Variants in PDZRN4 observed in about 807,000 individuals in gnomAD.
The protein encoded by PDZRN4 is PDZ domain containing ring finger 4.
PDZRN4 carries 70 observed loss-of-function variants against 99.0 expected under a neutral mutation model. The ratio of observed to expected loss-of-function variants is 0.71; its 90% CI spans 0.58 to 0.86. PDZRN4 has a LOEUF of 0.86. Ranked by LOEUF, PDZRN4 falls within the 40% of genes least tolerant of loss-of-function variation. PDZRN4 has a pLI of 0.00. For missense variants in PDZRN4, 1,474 were observed against 1,331.2 expected (o/e 1.11, Z -1.67); for synonymous variants, 551 against 501.6 (o/e 1.10, Z -1.32).
chr12:41,188,466 C>A lies in PDZRN4; in HGVS notation c.11C>A (p.Ala4Asp), dbSNP rs1209390121. The A allele has an allele frequency of 6.3e-7, 1 of 1,590,016 alleles. No homozygotes were observed. Among genetic ancestry groups the A allele is most frequent in the Non-Finnish European group, 8.5e-7 (1 of 1,175,914 alleles). Reference protein sequence around the residue: MGFALERFAEAVDP... With the variant: MGFDLERFAEAVDP... The stretch of plus-strand genomic sequence containing the variant: ...TTCCCCATCCCTAACATGGGCTTTG[C>A]CCTGGAGCGCTTCGCAGAAGCCGTG... Residue 4 changes from alanine to aspartate, a missense_variant, in exon 1 of 10, where the codon GCC becomes GAC. Transcript: ENST00000402685.
intron 3 of PDZRN4, among the ~76,000 whole-genome samples, chr12:41,452,607 G>A (rs1952784783): frequency 6.6e-6 from 1 of 151,986 alleles, no homozygotes; most frequent in Admixed American, 6.6e-5. Flanking sequence ...TTAGTTACTG[G>A]GTTACTTAGG....
intron 3 of PDZRN4, among the ~76,000 whole-genome samples, chr12:41,301,552 T>G (rs1951535518): frequency 6.6e-6 from 1 of 152,096 alleles, no homozygotes; most frequent in Non-Finnish European, 1.5e-5. Context: ...TTCCTGTACA[T>G]AATTCAGAAG....
At chr12:41,459,465 G>A (rs1184645519) in intron 3 of PDZRN4, among the ~76,000 whole-genome samples, 1 of 152,198 alleles carries the variant, frequency 6.6e-6, no homozygotes, top group African/African-American at 2.4e-5. Context: ...TTGGAAGCAT[G>A]CCTTTGCCTA....
chr12:41,518,545 G>A (rs1321986692), intron 5 of PDZRN4, among the ~76,000 whole-genome samples: 1 of 151,574 alleles, frequency 6.6e-6, no homozygotes, highest in Non-Finnish European at 1.5e-5. Context: ...TAAAATTATT[G>A]TATCAATGCA....
At chr12:41,554,916 G>A (rs904374131) in intron 6 of PDZRN4, among the ~76,000 whole-genome samples, 1 of 151,694 alleles carries the variant, frequency 6.6e-6, no homozygotes, top group African/African-American at 2.4e-5. Flanking sequence ...TCTTTAATAA[G>A]TATGGTCTTG....
intron 3 of PDZRN4, among the ~76,000 whole-genome samples, chr12:41,357,272 T>C (rs759263679): frequency 1.3e-5 from 2 of 151,790 alleles, no homozygotes; most frequent in Admixed American, 6.6e-5. Flanking sequence ...AGAACACTTA[T>C]TCTGTGCCCT....
intron 3 of PDZRN4, among the ~76,000 whole-genome samples, chr12:41,486,801 C>T (rs1214521543): frequency 6.6e-6 from 1 of 152,108 alleles, no homozygotes; most frequent in Non-Finnish European, 1.5e-5. Context: ...CCTGTGAGCT[C>T]ATCTCTTACT....
At chr12:41,398,527 T>G (rs558505392) in intron 3 of PDZRN4, among the ~76,000 whole-genome samples, 2 of 152,278 alleles carry the variant, frequency 1.3e-5, no homozygotes, top group East Asian at 3.9e-4. Flanking sequence ...GATCAAATCA[T>G]AACCAAAAGA....
At chr12:41,193,485 C>A (rs2120640410) in intron 2 of PDZRN4, among the ~76,000 whole-genome samples, 2 of 152,232 alleles carry the variant, frequency 1.3e-5, no homozygotes, top group South Asian at 4.1e-4. Context: ...TCAGACTGCA[C>A]CTGGAAATAT....
At chr12:41,547,781 G>C (rs962838992) in intron 5 of PDZRN4, among the ~76,000 whole-genome samples, 4 of 152,082 alleles carry the variant, frequency 2.6e-5, no homozygotes, top group Admixed American at 2.0e-4. Context: ...ATTAACAGTA[G>C]AGGCAAAAAT....
At chr12:41,403,960 G>A (rs185679977) in intron 3 of PDZRN4, among the ~76,000 whole-genome samples, 1 of 152,114 alleles carries the variant, frequency 6.6e-6, no homozygotes, top group Non-Finnish European at 1.5e-5. Flanking sequence ...CTATTGGGGT[G>A]TTGGCTGCAG....
intron 1 of PDZRN4, among the ~76,000 whole-genome samples, chr12:41,189,507 G>C (rs2405768): frequency 0.7 from 106,092 of 151,964 alleles, 37,269 homozygotes; most frequent in South Asian, 0.76. Flanking sequence ...AGACTTTCCC[G>C]GCCCAGCCTT....
At chr12:41,191,597 A>G (rs1267246096) in intron 2 of PDZRN4, 53 bp downstream of exon 2, 2 of 838,272 alleles carry the variant, frequency 2.4e-6, no homozygotes, top group Non-Finnish European at 4.0e-6. Flanking sequence ...AGCATTAATA[A>G]GCATTACTCA....
intron 3 of PDZRN4, among the ~76,000 whole-genome samples, chr12:41,445,316 G>T (rs1197611085): frequency 6.6e-6 from 1 of 151,960 alleles, no homozygotes; most frequent in East Asian, 1.9e-4. Flanking sequence ...CAAAACCCAT[G>T]ATCTTATTTA....
At chr12:41,358,378 C>T (rs1002688593) in intron 3 of PDZRN4, among the ~76,000 whole-genome samples, 5 of 151,930 alleles carry the variant, frequency 3.3e-5, no homozygotes, top group African/African-American at 1.2e-4. Flanking sequence ...CAATAAATTT[C>T]CCAGTTATTC....
At chr12:41,380,298 C>T (rs915890968) in intron 3 of PDZRN4, among the ~76,000 whole-genome samples, 4 of 151,972 alleles carry the variant, frequency 2.6e-5, no homozygotes, top group Admixed American at 6.6e-5. Context: ...ATCCATTTAG[C>T]CACTCTGTCT....
chr12:41,332,545 C>T (rs12099541), intron 3 of PDZRN4, among the ~76,000 whole-genome samples: 3,022 of 151,792 alleles, frequency 0.02, 43 homozygotes, highest in African/African-American at 0.039. Context: ...GGGAAAGATC[C>T]TCTGATACAA....
At chr12:41,274,231 G>A (rs1253014704) in intron 3 of PDZRN4, among the ~76,000 whole-genome samples, 3 of 152,000 alleles carry the variant, frequency 2.0e-5, no homozygotes, top group African/African-American at 7.2e-5. Context: ...TAAAAAAACA[G>A]AACAGAAATA....
At chr12:41,490,419 G>A (rs1020260452) in intron 3 of PDZRN4, among the ~76,000 whole-genome samples, 20 of 152,196 alleles carry the variant, frequency 1.3e-4, no homozygotes, top group African/African-American at 2.6e-4. Context: ...CTTTCTCAGC[G>A]TGTCTAAATG....
Sources: allele counts gnomAD v4.1 joint callset (sites outside exome capture counted in the v4.1 genomes callset), GRCh38; gene constraint gnomAD v4.1.1; transcripts MANE v1.5; gene names NCBI Gene and HGNC (gene_info 2026-07-23, HGNC 2026-07-21).